Variants in EYS observed in about 807,000 individuals in gnomAD.
EYS encodes protein eyes shut homolog.
EYS carries 250 observed loss-of-function variants against 282.1 expected under a neutral mutation model. The observed-to-expected ratio is 0.89, with a 90% CI of 0.80 to 0.98. EYS has a LOEUF of 0.98. Among genes scored for constraint, EYS ranks in the 50% least tolerant of loss-of-function variants. EYS has a pLI of 0.00. For synonymous variants in EYS, 1,355 were observed against 1,282.9 expected (o/e 1.06, Z -1.20); for missense variants, 4,016 against 3,709.0 (o/e 1.08, Z -2.15).
At chr6:64,829,841 G>T (rs1259195483) in intron 19 of EYS, among the ~76,000 whole-genome samples, 3 of 151,958 alleles carry the variant, frequency 2.0e-5, no homozygotes, top group Non-Finnish European at 4.4e-5. Flanking sequence ...TGGGAAATTT[G>T]TGCTTTGCAT....
intron 12 of EYS, among the ~76,000 whole-genome samples, chr6:65,080,207 A>G (rs1774191410): frequency 6.6e-6 from 1 of 152,090 alleles, no homozygotes; most frequent in African/African-American, 2.4e-5. Flanking sequence ...CCTCGACAGA[A>G]CACGCCCAGA....
At chr6:65,294,862 A>G (rs983709373) in intron 12 of EYS, among the ~76,000 whole-genome samples, 1 of 151,942 alleles carries the variant, frequency 6.6e-6, no homozygotes, top group African/African-American at 2.4e-5. Context: ...TACTTAGAAT[A>G]TGTTTGAATG....
rs540872084 is a variant in EYS at position 65,688,863 on chromosome 6, G to C, written c.-448+18272C>G. Among the ~76,000 whole-genome samples the C allele has an allele frequency of 1.4e-3, 214 of 151,902 alleles. 1 individual carries two copies. The highest frequency in any genetic ancestry group is 4.6e-3 in the African/African-American group (190 of 41,476). ...CAGTTAGAATGGCGATCATTAAAAA[G>C]TCAGGAAACAACAGGTGCTGGAGAG... On this transcript the variant is annotated intron_variant, in intron 1 of 42. Transcript: ENST00000503581.
At chr6:64,579,089 A>G (rs1189865403) in intron 26 of EYS, among the ~76,000 whole-genome samples, 1 of 152,110 alleles carries the variant, frequency 6.6e-6, no homozygotes, top group African/African-American at 2.4e-5. Flanking sequence ...TCGCAGAATT[A>G]GGTATGTTGG....
chr6:64,979,453 G>C (rs556217850), intron 14 of EYS, among the ~76,000 whole-genome samples: 6 of 151,576 alleles, frequency 4.0e-5, no homozygotes, highest in Non-Finnish European at 7.4e-5. Context: ...AAAAAAAGAG[G>C]AATCATAATG....
intron 22 of EYS, among the ~76,000 whole-genome samples, chr6:64,792,934 A>AT (rs1774237382): frequency 2.0e-5 from 3 of 151,084 alleles, no homozygotes; most frequent in South Asian, 4.2e-4. Flanking sequence ...GTTATGGCTG[A>AT]TTTTTTAGAA....
intron 14 of EYS, among the ~76,000 whole-genome samples, chr6:64,946,372 G>A (rs185435205): frequency 1.4e-3 from 212 of 152,030 alleles, no homozygotes; most frequent in African/African-American, 4.7e-3. Flanking sequence ...TAAATTAACA[G>A]ACTTTTGGTC....
intron 33 of EYS, among the ~76,000 whole-genome samples, chr6:64,058,425 C>T (rs750537255): frequency 7.9e-5 from 12 of 152,122 alleles, no homozygotes; most frequent in Non-Finnish European, 1.3e-4. Flanking sequence ...TCCTGATAGT[C>T]ATTTTAAGGC....
intron 19 of EYS, among the ~76,000 whole-genome samples, chr6:64,826,554 C>G (rs1408514323): frequency 6.6e-6 from 1 of 151,494 alleles, no homozygotes; most frequent in Non-Finnish European, 1.5e-5. Context: ...GGAAATTACA[C>G]AATCCTTTTA....
At chr6:64,634,547 CAA>C (rs57871928) in intron 22 of EYS, among the ~76,000 whole-genome samples, 84,848 of 141,268 alleles carry the variant, frequency 0.6, 25,028 homozygotes, top group South Asian at 0.69. Context: ...CCCTAGCTTC[CAA>C]AAAAAAAAAA....
intron 31 of EYS, among the ~76,000 whole-genome samples, chr6:64,229,138 G>C (rs1766339699): frequency 6.6e-6 from 1 of 152,086 alleles, no homozygotes; most frequent in Admixed American, 6.6e-5. Context: ...AGCTGGGTGT[G>C]GTGGCTAATG....
At chr6:64,388,466 C>T (rs1008573454) in intron 29 of EYS, among the ~76,000 whole-genome samples, 2 of 152,074 alleles carry the variant, frequency 1.3e-5, no homozygotes. Context: ...AACAGACTGA[C>T]ATTGGAGCAA....
chr6:64,616,556 T>A (rs1767281733), intron 24 of EYS, among the ~76,000 whole-genome samples: 1 of 152,084 alleles, frequency 6.6e-6, no homozygotes, highest in African/African-American at 2.4e-5. Context: ...TTATTGATTA[T>A]TTTTTTCTAT....
Position 64,289,117 on chromosome 6 carries a change from AGCTT to A in EYS, c.6191+17849_6191+17852del, listed in dbSNP as rs1768608522. ...CATCACGCCTTCATTATCTGTTCTG[AGCTT>A]ATGTTTTCAGGCTTATCAATCATGA... is the stretch of plus-strand genomic sequence containing the variant. On this transcript the variant is annotated intron_variant, in intron 30 of 42. Transcript: ENST00000503581. Among the ~76,000 whole-genome samples, 4 of 151,926 alleles carry A rather than the reference AGCTT, an allele frequency of 2.6e-5. No individual in the cohort carries two copies. In the South Asian group the frequency reaches 8.3e-4, roughly 32 times the overall value.
chr6:65,168,561 T>A (rs1336057912), intron 12 of EYS, among the ~76,000 whole-genome samples: 1 of 151,084 alleles, frequency 6.6e-6, no homozygotes, highest in African/African-American at 2.4e-5. Flanking sequence ...CTAATCCTAT[T>A]CATGAGGGCT....
intron 26 of EYS, among the ~76,000 whole-genome samples, chr6:64,446,288 G>C (rs1271617408): frequency 6.6e-6 from 1 of 152,112 alleles, no homozygotes; most frequent in East Asian, 1.9e-4. Flanking sequence ...AGCTGTGTAA[G>C]AGAAAAATCA....
intron 28 of EYS, among the ~76,000 whole-genome samples, chr6:64,389,951 C>T (rs1029995471): frequency 2.0e-5 from 3 of 150,838 alleles, no homozygotes; most frequent in South Asian, 2.1e-4. Flanking sequence ...CAAGGCATTG[C>T]CTCACTTGGG....
At chr6:64,304,163 C>A (rs1227843719) in intron 30 of EYS, among the ~76,000 whole-genome samples, 2 of 152,160 alleles carry the variant, frequency 1.3e-5, no homozygotes, top group African/African-American at 4.8e-5. Context: ...GACAGCAGAG[C>A]CCCTTAGCCA....
At chr6:65,565,307 C>T (rs1322978250) in intron 2 of EYS, among the ~76,000 whole-genome samples, 1 of 137,550 alleles carries the variant, frequency 7.3e-6, no homozygotes, top group East Asian at 2.2e-4. Flanking sequence ...AGACACTTCT[C>T]AAAAGAAGAC....
Sources: gnomAD v4.1 joint callset for allele counts (sites outside exome capture counted in the v4.1 genomes callset) on GRCh38, gnomAD v4.1.1 for gene constraint, MANE v1.5 for transcripts, NCBI Gene and HGNC (gene_info 2026-07-23, HGNC 2026-07-21) for gene names.